CTNND2: variants seen among roughly 807,000 people sequenced by gnomAD.
CTNND2 encodes catenin delta 2, also known as catenin delta-2.
CTNND2 carries 22 observed loss-of-function variants against 144.4 expected under a neutral mutation model. The observed-to-expected ratio is 0.15, with a 90% confidence interval of 0.11 to 0.22. CTNND2 has a LOEUF of 0.22. CTNND2 is among the 10% of genes least tolerant of loss of function. CTNND2 has a pLI of 1.00. For missense variants in CTNND2, 1,353 were observed against 1,618.8 expected (o/e 0.84, Z 2.82); for synonymous variants, 751 against 695.6 (o/e 1.08, Z -1.25).
chr5:11,865,086 G>A (rs1795695234), intron 1 of CTNND2, among the ~76,000 whole-genome samples: 1 of 151,862 alleles, frequency 6.6e-6, no homozygotes, highest in Admixed American at 6.6e-5. Flanking sequence ...GTAGAGACAA[G>A]GTGTCTCTAT....
intron 2 of CTNND2, among the ~76,000 whole-genome samples, chr5:11,703,617 T>C (rs1785554782): frequency 6.6e-6 from 1 of 152,236 alleles, no homozygotes; most frequent in African/African-American, 2.4e-5. Context: ...TCTTTAGTTA[T>C]TGCAAGATTT....
intron 2 of CTNND2, among the ~76,000 whole-genome samples, chr5:11,710,772 C>A (rs1350347654): frequency 6.6e-6 from 1 of 152,170 alleles, no homozygotes; most frequent in African/African-American, 2.4e-5. Flanking sequence ...CCGGGCAGTG[C>A]ACCACTACAG....
At chr5:11,006,429 C>A (rs373468415) in intron 18 of CTNND2, among the ~76,000 whole-genome samples, 6 of 152,334 alleles carry the variant, frequency 3.9e-5, no homozygotes, top group African/African-American at 1.4e-4. Flanking sequence ...CGTGCCAGAG[C>A]CACAGATGGA....
At chr5:11,207,753 G>C (rs1161936911) in intron 10 of CTNND2, among the ~76,000 whole-genome samples, 1 of 152,172 alleles carries the variant, frequency 6.6e-6, no homozygotes, top group Non-Finnish European at 1.5e-5. Context: ...CAGACTATTT[G>C]AACTTGAACT....
chr5:11,500,011 A>G (rs1460461738), intron 3 of CTNND2, among the ~76,000 whole-genome samples: 2 of 152,136 alleles, frequency 1.3e-5, no homozygotes, highest in African/African-American at 4.8e-5. Context: ...CCTATTTAAT[A>G]TAAAAAGGGA....
chr5:11,149,861 G>A (rs1300581253), intron 12 of CTNND2, among the ~76,000 whole-genome samples: 2 of 152,172 alleles, frequency 1.3e-5, no homozygotes, highest in Non-Finnish European at 2.9e-5. Flanking sequence ...ATGAAACCTG[G>A]ACAGGGCTGT....
chr5:11,283,378 A>G (rs368123622), intron 9 of CTNND2, among the ~76,000 whole-genome samples: 9 of 152,152 alleles, frequency 5.9e-5, no homozygotes, highest in African/African-American at 2.2e-4. Flanking sequence ...TGGGAGGAAA[A>G]AAAGAGGAGG....
At chr5:11,042,579 A>G (rs1233155224) in intron 16 of CTNND2, among the ~76,000 whole-genome samples, 2 of 152,214 alleles carry the variant, frequency 1.3e-5, no homozygotes, top group Non-Finnish European at 2.9e-5. Context: ...TTGTTGCCCA[A>G]GTCAATTTTT....
chr5:11,520,348 C>A (rs1470710475), intron 3 of CTNND2, among the ~76,000 whole-genome samples: 2 of 152,032 alleles, frequency 1.3e-5, no homozygotes, highest in Non-Finnish European at 2.9e-5. Flanking sequence ...TAAAATCAAC[C>A]TAGATTAAAG....
intron 2 of CTNND2, among the ~76,000 whole-genome samples, chr5:11,634,055 G>A (rs1032614032): frequency 6.6e-6 from 1 of 152,100 alleles, no homozygotes; most frequent in African/African-American, 2.4e-5. Context: ...TCTGCCCCAT[G>A]AGTTGGCACT....
At chr5:11,325,036 G>T (rs1033311114) in intron 9 of CTNND2, among the ~76,000 whole-genome samples, 1 of 151,932 alleles carries the variant, frequency 6.6e-6, no homozygotes, top group African/African-American at 2.4e-5. Flanking sequence ...GCCTGAACTG[G>T]TGTTTAAGGA....
chr5:11,089,896 C>G (rs2149650433), intron 15 of CTNND2, among the ~76,000 whole-genome samples: 1 of 152,288 alleles, frequency 6.6e-6, no homozygotes, highest in African/African-American at 2.4e-5. Flanking sequence ...GTAATACCAG[C>G]TCCTCGGGAG....
intron 2 of CTNND2, among the ~76,000 whole-genome samples, chr5:11,710,714 C>G (rs1785975142): frequency 6.6e-6 from 1 of 152,038 alleles, no homozygotes; most frequent in Non-Finnish European, 1.5e-5. Flanking sequence ...TCTATTTTTT[C>G]CCTAAATGCC....
intron 1 of CTNND2, among the ~76,000 whole-genome samples, chr5:11,819,382 C>G (rs1019198241): frequency 2.0e-5 from 3 of 152,142 alleles, no homozygotes; most frequent in African/African-American, 7.2e-5. Flanking sequence ...TGGCAGTAAG[C>G]TGACATCACT....
intron 11 of CTNND2, among the ~76,000 whole-genome samples, chr5:11,181,671 CTG>C (rs1560981464): frequency 6.8e-6 from 1 of 147,960 alleles, no homozygotes; most frequent in Non-Finnish European, 1.5e-5. Flanking sequence ...GTGTGTGTGT[CTG>C]TGTGTGTGTC....
chr5:11,678,214 C>T (rs1029087070), intron 2 of CTNND2, among the ~76,000 whole-genome samples: 1 of 152,150 alleles, frequency 6.6e-6, no homozygotes, highest in Non-Finnish European at 1.5e-5. Flanking sequence ...TCAGATCAAT[C>T]CACTTCCTGC....
rs557341981 is a variant in CTNND2, at chr5:11,385,162, CGCGGCG to C, written c.674_679del (p.Pro225_Pro226del). On this transcript the variant is annotated inframe_deletion, in exon 7 of 22. Transcript: ENST00000304623. ...GCCCAGGCTGGGCGCGAACGGCTCC[CGCGGCG>C]GCGGCGGCGGCGGCGGCGCGGGCTC... is the stretch of plus-strand genomic sequence containing the variant. 194 of 1,013,266 alleles carry C rather than the reference CGCGGCG, an allele frequency of 1.9e-4. No individual in the cohort carries two copies. The highest frequency in any genetic ancestry group is 1.3e-3 in the South Asian group (29 of 22,312). 62.8% of individuals were successfully genotyped at this position (1,013,266 alleles called of 1,614,324 possible).
intron 11 of CTNND2, among the ~76,000 whole-genome samples, chr5:11,185,341 T>C (rs1735517371): frequency 6.6e-6 from 1 of 152,186 alleles, no homozygotes. Flanking sequence ...ATCTACATCA[T>C]TTCCATATGC....
intron 11 of CTNND2, among the ~76,000 whole-genome samples, chr5:11,180,700 T>C (rs1232653999): frequency 6.6e-6 from 1 of 152,218 alleles, no homozygotes; most frequent in Non-Finnish European, 1.5e-5. Flanking sequence ...TTTCCATATT[T>C]GCCCTAGGGC....
Sources: gnomAD v4.1 joint callset for allele counts (sites outside exome capture counted in the v4.1 genomes callset) on GRCh38, gnomAD v4.1.1 for gene constraint, MANE v1.5 for transcripts, NCBI Gene and HGNC (gene_info 2026-07-23, HGNC 2026-07-21) for gene names.